Variants in ITGA9 observed in about 807,000 individuals in gnomAD.
ITGA9 encodes integrin subunit alpha 9, also known as integrin alpha-9.
A neutral mutation model predicts 127.8 loss-of-function variants in ITGA9; 56 were observed. The ratio of observed to expected loss-of-function variants is 0.44; its 90% CI spans 0.35 to 0.55. The LOEUF (loss-of-function observed/expected upper bound fraction) is 0.55, where lower values mean the gene tolerates loss of function less well. ITGA9 is among the 20% of genes least tolerant of loss of function. The probability of loss-of-function intolerance (pLI) is 0.00; values close to 1 mark genes in which losing one functional copy is unlikely to be tolerated. For missense variants in ITGA9, 1,196 were observed against 1,347.1 expected (o/e 0.89, Z 1.76); for synonymous variants, 508 against 514.5 (o/e 0.99, Z 0.17).
Position 37,776,774 on chromosome 3 carries a change from C to T in ITGA9, c.2542-618C>T, listed in dbSNP as rs1181849354. On this transcript the variant is annotated intron_variant, in intron 23 of 27. Transcript: ENST00000264741. ...AGAGCTCGGCAAGCATGCAGGTCCC[C>T]GTCTGGCTCAGGGCAGAGACTGGTC... is the stretch of plus-strand genomic sequence containing the variant. Among the ~76,000 whole-genome samples the T allele has an allele frequency of 3.3e-5, 5 of 152,306 alleles. No individual in the cohort carries two copies. In the East Asian group the frequency reaches 5.8e-4, roughly 18 times the overall value.
intron 1 of ITGA9, among the ~76,000 whole-genome samples, chr3:37,466,431 C>T (rs1419634224): frequency 1.6e-5 from 2 of 128,888 alleles, no homozygotes; most frequent in South Asian, 2.6e-4. Context: ...TTGCAGTGAG[C>T]GGAGATCGCC....
rs1402924343 is a variant in ITGA9, at chr3:37,470,989, C to T, written c.186-18C>T. 1 of 1,613,882 alleles carries T rather than the reference C, an allele frequency of 6.2e-7. No homozygotes were observed. Among genetic ancestry groups the T allele is most frequent in the Admixed American group, 1.7e-5 (1 of 60,020 alleles). On this transcript the variant is annotated intron_variant, in intron 1 of 27. Transcript: ENST00000264741. Reference sequence around the variant, plus strand: ...CTTATCGTAGGTTGTGACAGAATGCCTTTTTCTCTTGCTGCAGGGTCCTTG... The same window carrying T: ...CTTATCGTAGGTTGTGACAGAATGCTTTTTTCTCTTGCTGCAGGGTCCTTG...
At chr3:37,632,885 A>G (rs1330343056) in intron 16 of ITGA9, among the ~76,000 whole-genome samples, 3 of 152,220 alleles carry the variant, frequency 2.0e-5, no homozygotes, top group Non-Finnish European at 1.5e-5. Context: ...CAGCCACACA[A>G]TCAAAGTATG....
At chr3:37,678,985 A>G (rs898724787) in intron 17 of ITGA9, among the ~76,000 whole-genome samples, 1 of 152,204 alleles carries the variant, frequency 6.6e-6, no homozygotes, top group African/African-American at 2.4e-5. Context: ...CCAATAACGC[A>G]GTCAAAAAAA....
chr3:37,756,753 C>G (rs1219132551), intron 23 of ITGA9, among the ~76,000 whole-genome samples: 1 of 152,164 alleles, frequency 6.6e-6, no homozygotes, highest in East Asian at 1.9e-4. Flanking sequence ...ATTCAACATA[C>G]AACAACACAA....
In ITGA9 at chr3:37,766,677, C is replaced by G. The variant is rs79850383; in HGVS notation, c.2542-10715C>G. ...GAGCTAGAACCAGAATTTAAACAAG[C>G]AGATACAATTCCAAGGACCATGTTT... is the stretch of plus-strand genomic sequence containing the variant. On this transcript the variant is annotated intron_variant, in intron 23 of 27. Transcript: ENST00000264741. Among the ~76,000 whole-genome samples, 1,281 of 152,248 alleles carry G rather than the reference C, an allele frequency of 8.4e-3. 15 individuals carry two copies. Among genetic ancestry groups the G allele is most frequent in the African/African-American group, 0.028 (1,161 of 41,544 alleles).
intron 15 of ITGA9, among the ~76,000 whole-genome samples, chr3:37,602,693 T>C (rs3944702): frequency 0.53 from 80,011 of 151,958 alleles, 21,625 homozygotes; most frequent in East Asian, 0.61. Context: ...AACAGTTTTT[T>C]GTTTAATAAT....
chr3:37,823,431 T>G lies in ITGA9; in HGVS notation c.*4442T>G, dbSNP rs1437916581. 2 of 152,254 alleles carry G rather than the reference T, an allele frequency of 1.3e-5. No individual in the cohort carries two copies. Among genetic ancestry groups the G allele is most frequent in the Non-Finnish European group, 2.9e-5 (2 of 68,054 alleles). The allele number at this position is 152,254 out of a possible 1,614,324, so 9.4% of individuals were successfully genotyped here. The stretch of plus-strand genomic sequence containing the variant: ...GTATTAAAGTCTAAGCAGTCACTTC[T>G]GATTCACTTGCACTGTTTGGGAAAT... On this transcript the variant is annotated 3_prime_UTR_variant, in exon 28 of 28. Transcript: ENST00000264741.
At chr3:37,804,317 T>C (rs936375061) in intron 27 of ITGA9, among the ~76,000 whole-genome samples, 1 of 152,210 alleles carries the variant, frequency 6.6e-6, no homozygotes, top group African/African-American at 2.4e-5. Context: ...TCTTCCTTCT[T>C]TTCCTCTAAG....
intron 15 of ITGA9, among the ~76,000 whole-genome samples, chr3:37,583,632 G>C (rs1699730517): frequency 6.6e-6 from 1 of 152,192 alleles, no homozygotes; most frequent in Admixed American, 6.5e-5. Context: ...CAGAAGCTCA[G>C]AGGCAACTAT....
chr3:37,552,456 G>A (rs890544060), intron 15 of ITGA9, among the ~76,000 whole-genome samples: 2 of 147,644 alleles, frequency 1.4e-5, no homozygotes, highest in African/African-American at 2.7e-5. Flanking sequence ...TTTAGTCAAC[G>A]TATTAGTATT....
chr3:37,635,435 G>A (rs572485417), intron 16 of ITGA9, among the ~76,000 whole-genome samples: 48 of 152,140 alleles, frequency 3.2e-4, no homozygotes, highest in Admixed American at 7.2e-4. Context: ...TGCAAAACTT[G>A]ATGAAACAGG....
chr3:37,613,879 A>G (rs1700048183), intron 15 of ITGA9, among the ~76,000 whole-genome samples: 1 of 152,094 alleles, frequency 6.6e-6, no homozygotes, highest in Non-Finnish European at 1.5e-5. Flanking sequence ...TTGTCAGATG[A>G]GTAGATTGCA....
At chr3:37,732,130 CT>C (rs1696300107) in intron 18 of ITGA9, among the ~76,000 whole-genome samples, 1 of 152,174 alleles carries the variant, frequency 6.6e-6, no homozygotes, top group African/African-American at 2.4e-5. Flanking sequence ...CAGCCTTTCT[CT>C]TCTGTTTCTC....
intron 22 of ITGA9, 31 bp downstream of exon 22, chr3:37,744,065 T>G: frequency 6.9e-7 from 1 of 1,445,178 alleles, no homozygotes. Context: ...CCTCTGTCCG[T>G]GGGGGCTAAC....
chr3:37,766,017 T>G (rs1249998495), intron 23 of ITGA9, among the ~76,000 whole-genome samples: 1 of 152,218 alleles, frequency 6.6e-6, no homozygotes, highest in Non-Finnish European at 1.5e-5. Context: ...GGAGTTTGCT[T>G]ACGTTCATTC....
chr3:37,782,288 A>T (rs187502186), intron 25 of ITGA9, among the ~76,000 whole-genome samples: 1 of 152,218 alleles, frequency 6.6e-6, no homozygotes, highest in Admixed American at 6.5e-5. Flanking sequence ...TGTTTCCTTT[A>T]TCCTCAACCC....
chr3:37,656,145 C>A (rs960785766), intron 17 of ITGA9, among the ~76,000 whole-genome samples: 4 of 152,132 alleles, frequency 2.6e-5, no homozygotes, highest in African/African-American at 9.7e-5. Flanking sequence ...CAGCTTTGTT[C>A]TTTTGGCTTA....
intron 17 of ITGA9, among the ~76,000 whole-genome samples, chr3:37,681,822 C>T (rs1700737562): frequency 6.6e-6 from 1 of 152,030 alleles, no homozygotes; most frequent in Non-Finnish European, 1.5e-5. Context: ...GCCCCCATTT[C>T]CCTCCATCTC....
Sources: allele counts gnomAD v4.1 joint callset (sites outside exome capture counted in the v4.1 genomes callset), GRCh38; gene constraint gnomAD v4.1.1; transcripts MANE v1.5; gene names NCBI Gene and HGNC (gene_info 2026-07-23, HGNC 2026-07-21).